The following WDR19 variants were observed in gnomAD, a reference collection of about 807,000 sequenced individuals.
The protein encoded by WDR19 is WD repeat domain 19.
In WDR19, 121 loss-of-function variants were observed where a neutral mutation model predicts 180.0. The observed-to-expected ratio is 0.67, with a 90% confidence interval of 0.58 to 0.78. The LOEUF is 0.78. Ranked by LOEUF, WDR19 falls within the 30% of genes least tolerant of loss-of-function variation. The probability of loss-of-function intolerance (pLI) is 0.00; values close to 1 mark genes in which losing one functional copy is unlikely to be tolerated. For synonymous variants in WDR19, 497 were observed against 540.7 expected, an observed-to-expected ratio of 0.92 and a Z score of 1.12; for missense variants, 1,450 against 1,640.7, an observed-to-expected ratio of 0.88 and a Z score of 2.01.
rs762615507 is a variant in WDR19 at position 39,228,607 on chromosome 4, C to T, written c.1899C>T (p.Ser633=). 2 of 1,613,756 alleles carry T rather than the reference C, an allele frequency of 1.2e-6. No homozygotes were observed. The highest frequency in any genetic ancestry group is 2.2e-5 in the South Asian group (2 of 91,042). Residue 633 remains serine (S), a synonymous_variant, in exon 17 of 37, where the codon AGC becomes AGT. Transcript: ENST00000399820. ...GAAAAGTAAACAACATCTACCTTAG[C>T]ACCCATGGCTTTCTCAGCAACTTAA... The part of the protein sequence containing the change: ...QSGKVNNIYL[S]THGFLSNLKD...
chr4:39,254,672 A>G (rs1370879199), intron 26 of WDR19, among the ~76,000 whole-genome samples: 1 of 152,196 alleles, frequency 6.6e-6, no homozygotes, highest in African/African-American at 2.4e-5. Flanking sequence ...TTAAAAGTGT[A>G]TAATTTGGTA....
intron 5 of WDR19, among the ~76,000 whole-genome samples, chr4:39,195,340 C>T (rs1044311516): frequency 6.7e-6 from 1 of 148,838 alleles, no homozygotes; most frequent in Non-Finnish European, 1.5e-5. Flanking sequence ...GCACTGCAGC[C>T]TGGGTGACAG....
intron 15 of WDR19, 104 bp from the exon 16 acceptor site, chr4:39,228,106 C>A: frequency 7.8e-7 from 1 of 1,275,432 alleles, no homozygotes; most frequent in Non-Finnish European, 1.1e-6. Context: ...TTGAATATGA[C>A]TCAGTAAGCT....
chr4:39,211,569 T>A (rs1157014383), intron 9 of WDR19, among the ~76,000 whole-genome samples: 1 of 152,208 alleles, frequency 6.6e-6, no homozygotes, highest in East Asian at 1.9e-4. Flanking sequence ...AGCAAGATTG[T>A]AGGATATAAG....
chr4:39,284,136 A>ATTAT (rs1736882779), intron 36 of WDR19, among the ~76,000 whole-genome samples: 1 of 144,612 alleles, frequency 6.9e-6, no homozygotes, highest in South Asian at 2.2e-4. Flanking sequence ...ATTTTGAGAC[A>ATTAT]TTATTTCTTC....
chr4:39,227,886 C>T (rs949681598), intron 15 of WDR19, among the ~76,000 whole-genome samples: 1 of 152,116 alleles, frequency 6.6e-6, no homozygotes, highest in African/African-American at 2.4e-5. Context: ...CAAGTGTGTT[C>T]GTAGTTTAAA....
chr4:39,275,765 GA>G (rs1191653964), intron 33 of WDR19, among the ~76,000 whole-genome samples: 1 of 152,198 alleles, frequency 6.6e-6, no homozygotes, highest in Non-Finnish European at 1.5e-5. Context: ...GAGATGGAGA[GA>G]AGCAGCGAAC....
At chr4:39,209,699 G>A (rs548259907) in intron 9 of WDR19, among the ~76,000 whole-genome samples, 134 of 130,504 alleles carry the variant, frequency 1.0e-3, no homozygotes, top group African/African-American at 2.9e-3. Flanking sequence ...GTGACAGAGC[G>A]AGACTCTGTC....
At chr4:39,211,925 CAGACAGAGAGAGAGAGAGAGAG>C (rs1728553254) in intron 9 of WDR19, among the ~76,000 whole-genome samples, 1 of 117,086 alleles carries the variant, frequency 8.5e-6, no homozygotes, top group African/African-American at 3.4e-5. Context: ...CTAATATAGA[CAGACAGAGAGAGAGAGAGAGAG>C]AGAGAGAGAG....
chr4:39,224,157 C>T (rs1430455284), intron 14 of WDR19, among the ~76,000 whole-genome samples: 1 of 152,052 alleles, frequency 6.6e-6, no homozygotes, highest in Non-Finnish European at 1.5e-5. Context: ...AATATACATT[C>T]AGTTGATTCT....
At position 39,220,699 on chromosome 4, in the gene WDR19, G is replaced by A. The variant is rs189178330; in HGVS notation, c.1479+2594G>A. Among the ~76,000 whole-genome samples, 17 of 149,140 alleles carry A rather than the reference G, an allele frequency of 1.1e-4. 1 individual carries two copies. Among genetic ancestry groups the A allele is most frequent in the East Asian group, 7.9e-4 (4 of 5,084 alleles). Reference sequence around the variant, plus strand: ...TAATTTTTGTATTTTTAGTAGAGACGGGGTTTCATCATCTTGGCCAGGCTG... The same window carrying A: ...TAATTTTTGTATTTTTAGTAGAGACAGGGTTTCATCATCTTGGCCAGGCTG... On this transcript the variant is annotated intron_variant, in intron 14 of 36. Coordinates refer to ENST00000399820, the MANE Select transcript of WDR19 (RefSeq NM_025132.4).
In WDR19 at chr4:39,235,152, G is replaced by T. The variant is rs146764958; in HGVS notation, c.2363+277G>T. ...TTATTATTTTTTTTAATAGAGACAG[G>T]ATCTCTCTCTGTTACCCAGGCTGGA... On this transcript the variant is annotated intron_variant, in intron 20 of 36. Transcript: ENST00000399820. Among the ~76,000 whole-genome samples, 355 of 151,916 alleles carry T rather than the reference G, an allele frequency of 2.3e-3. 1 individual carries two copies. The highest frequency in any genetic ancestry group is 7.9e-3 in the African/African-American group (328 of 41,418).
intron 20 of WDR19, among the ~76,000 whole-genome samples, chr4:39,239,464 T>A (rs1406795587): frequency 6.6e-6 from 1 of 152,086 alleles, no homozygotes; most frequent in African/African-American, 2.4e-5. Flanking sequence ...ATGTGTTTTA[T>A]GGTCACATGA....
rs199991653 is a variant in WDR19 at position 39,218,026 on chromosome 4, G to A, written c.1400G>A (p.Arg467Gln). ...GATGCTCAAGAAGAACGTGAGACTCGGCTTTTCCCAGCAGTGGATGATAAG... is the reference window on the plus strand; with the variant it reads ...GATGCTCAAGAAGAACGTGAGACTCAGCTTTTCCCAGCAGTGGATGATAAG... Reference protein sequence around the residue: ...ILDAQEERETRLFPAVDDKCR... With the variant: ...ILDAQEERETQLFPAVDDKCR... Residue 467 changes from arginine (R) to glutamine (Q), a missense_variant, in exon 14 of 37, where the codon CGG (arginine) becomes CAG (glutamine). Coordinates refer to ENST00000399820, the MANE Select transcript of WDR19 (RefSeq NM_025132.4). 47 of 1,613,738 alleles carry A rather than the reference G, an allele frequency of 2.9e-5. No homozygotes were observed. The Admixed American group carries it at 3.5e-4, about 12-fold the overall frequency.
Position 39,186,592 on chromosome 4 carries a change from T to A in WDR19, c.152T>A (p.Ile51Asn). The A allele has an allele frequency of 6.3e-7, 1 of 1,579,304 alleles. No individual in the cohort carries two copies. Among genetic ancestry groups the A allele is most frequent in the Non-Finnish European group, 8.6e-7 (1 of 1,165,526 alleles). The change falls in exon 3 of 37, where the codon ATT becomes AAT. Residue 51 changes from isoleucine to asparagine, a missense_variant. Transcript: ENST00000399820. Reference protein sequence around the residue: ...FDRHGQKRSEINLPGNCVAMD... With the variant: ...FDRHGQKRSENNLPGNCVAMD... ...CGCCATGGTCAAAAAAGAAGTGAAA[T>A]TAACTTACCTGGGTAAGTACAGAAG...
intron 12 of WDR19, 113 bp downstream of exon 12, chr4:39,216,323 A>G: frequency 3.5e-6 from 3 of 847,966 alleles, no homozygotes; most frequent in Non-Finnish European, 5.4e-6. Context: ...TTATTCACAT[A>G]TCTCATTCTT....
At chr4:39,282,026 C>T (rs1736589632) in intron 36 of WDR19, among the ~76,000 whole-genome samples, 1 of 152,120 alleles carries the variant, frequency 6.6e-6, no homozygotes, top group South Asian at 2.1e-4. Context: ...AAAGTCTGGA[C>T]CCTATTATAA....
intron 5 of WDR19, among the ~76,000 whole-genome samples, chr4:39,198,450 A>G (rs1560483412): frequency 6.6e-6 from 1 of 152,036 alleles, no homozygotes; most frequent in Non-Finnish European, 1.5e-5. Context: ...AGTCCCTGCT[A>G]CTGGGGAGGC....
intron 17 of WDR19, among the ~76,000 whole-genome samples, chr4:39,230,558 T>C (rs1028613522): frequency 3.0e-4 from 46 of 152,328 alleles, no homozygotes; most frequent in Middle Eastern, 3.4e-3. Context: ...GTAGGGTTAT[T>C]AGGGTAAGAG....
Sources: gnomAD v4.1 joint callset for allele counts (sites outside exome capture counted in the v4.1 genomes callset) on GRCh38, gnomAD v4.1.1 for gene constraint, MANE v1.5 for transcripts, NCBI Gene and HGNC (gene_info 2026-07-23, HGNC 2026-07-21) for gene names.